The following ATP2C1 variants were observed in gnomAD, a reference collection of about 807,000 sequenced individuals.
ATP2C1 encodes the protein ATPase secretory pathway Ca2+ transporting 1, also known as calcium-transporting ATPase type 2C member 1.
Under a neutral mutation model 120.5 loss-of-function variants are expected in ATP2C1, and 31 were observed. That is an observed-to-expected ratio of 0.26 (90% CI 0.19 to 0.35). The LOEUF is 0.35. Ranked by LOEUF, ATP2C1 falls within the 10% of genes least tolerant of loss-of-function variation. The probability of loss-of-function intolerance (pLI) is 1.00; values close to 1 mark genes in which losing one functional copy is unlikely to be tolerated. For synonymous variants in ATP2C1, 351 were observed against 358.7 expected (o/e 0.98, Z 0.24); for missense variants, 731 against 1,107.5 (o/e 0.66, Z 4.83).
chr3:130,912,629 A>G (rs2058485499), intron 2 of ATP2C1, among the ~76,000 whole-genome samples: 1 of 141,048 alleles, frequency 7.1e-6, no homozygotes, highest in Non-Finnish European at 1.5e-5. Context: ...ATGTGGAGAA[A>G]TAGGAACACT....
At position 130,933,549 on chromosome 3, in the gene ATP2C1, C is replaced by T. The variant is rs145857702; in HGVS notation, c.235-1073C>T. On this transcript the variant is annotated intron_variant, in intron 4 of 27. Coordinates refer to ENST00000510168, the MANE Select transcript of ATP2C1 (RefSeq NM_001378687.1). ...ACAGATGCCAGCAACTGGATTCAAA[C>T]CTAGGTACTCTGACTCAGTCAGGTT... 9.2e-5 allele frequency among the ~76,000 whole-genome samples: 14 copies of T among 152,206 alleles called. No homozygotes were observed. In the East Asian group the frequency reaches 2.1e-3, roughly 23 times the overall value.
chr3:130,926,256 C>A (rs890748575), intron 2 of ATP2C1, among the ~76,000 whole-genome samples: 2 of 152,112 alleles, frequency 1.3e-5, no homozygotes, highest in Non-Finnish European at 2.9e-5. Flanking sequence ...ACAAGCTAGT[C>A]CTGCCTCCTA....
intron 2 of ATP2C1, among the ~76,000 whole-genome samples, chr3:130,905,423 AC>A (rs1208528915): frequency 1.3e-5 from 2 of 152,054 alleles, no homozygotes; most frequent in African/African-American, 2.4e-5. Flanking sequence ...ACTGTTCTCA[AC>A]CACAGTATAT....
At position 130,993,849 on chromosome 3, in the gene ATP2C1, G is replaced by T. The variant is rs1354410528; in HGVS notation, c.1891-83G>T. The stretch of plus-strand genomic sequence containing the variant: ...TAATCTTAATTATGTGAAAAAAATA[G>T]GGAGGATTTGTTTATCGCTTTGTAT... On this transcript the variant is annotated intron_variant, in intron 21 of 27. Coordinates refer to ENST00000510168, the MANE Select transcript of ATP2C1 (RefSeq NM_001378687.1). 5 of 1,376,492 alleles carry T rather than the reference G, an allele frequency of 3.6e-6. No individual in the cohort carries two copies. In the African/African-American group the frequency reaches 5.8e-5, roughly 16 times the overall value. 85.3% of individuals were successfully genotyped at this position (1,376,492 alleles called of 1,614,324 possible).
upstream of ATP2C1, chr3:130,893,928 G>A: frequency 1.0e-6 from 1 of 985,600 alleles, no homozygotes. Context: ...CTTCACTTCC[G>A]CCTTCCCAGC....
At chr3:130,972,545 C>T (rs1052296771) in intron 17 of ATP2C1, among the ~76,000 whole-genome samples, 2 of 149,904 alleles carry the variant, frequency 1.3e-5, no homozygotes, top group African/African-American at 4.9e-5. Context: ...CATATGTATA[C>T]ATGTGCCATG....
chr3:130,985,508 C>G (rs2061962195), intron 20 of ATP2C1, among the ~76,000 whole-genome samples: 1 of 151,922 alleles, frequency 6.6e-6, no homozygotes, highest in Non-Finnish European at 1.5e-5. Context: ...TGGTGGGCGC[C>G]TGTAATCCCA....
intron 1 of ATP2C1, among the ~76,000 whole-genome samples, chr3:130,870,264 G>A (rs2107769809): frequency 6.6e-6 from 1 of 152,292 alleles, no homozygotes; most frequent in Non-Finnish European, 1.5e-5. Context: ...GGAGAATAAT[G>A]TTTTCATGTC....
At chr3:130,917,139 T>C (rs1032958130) in intron 2 of ATP2C1, among the ~76,000 whole-genome samples, 2 of 152,210 alleles carry the variant, frequency 1.3e-5, no homozygotes, top group Non-Finnish European at 2.9e-5. Flanking sequence ...AAAATAGGCT[T>C]TGTATTAGAT....
chr3:131,003,544 C>A (rs116132176), downstream of ATP2C1, among the ~76,000 whole-genome samples: 1,123 of 152,256 alleles, frequency 7.4e-3, 11 homozygotes, highest in African/African-American at 0.026. Flanking sequence ...GTAAACAGTT[C>A]TGAAATGATC....
At chr3:130,936,151 C>A (rs1179883599) in intron 5 of ATP2C1, among the ~76,000 whole-genome samples, 1 of 151,896 alleles carries the variant, frequency 6.6e-6, no homozygotes, top group African/African-American at 2.4e-5. Context: ...GGATAGCATC[C>A]CAGTATTTAA....
At chr3:130,913,707 C>T (rs2058552696) in intron 2 of ATP2C1, among the ~76,000 whole-genome samples, 1 of 152,090 alleles carries the variant, frequency 6.6e-6, no homozygotes, top group African/African-American at 2.4e-5. Flanking sequence ...AGCCTGTATT[C>T]TTAGATCTTA....
At chr3:130,982,028 T>A (rs2061788270) in intron 20 of ATP2C1, among the ~76,000 whole-genome samples, 2 of 152,200 alleles carry the variant, frequency 1.3e-5, no homozygotes, top group African/African-American at 4.8e-5. Context: ...TAATTTTGAT[T>A]AGGTCTAGTT....
chr3:130,917,625 T>TAAAA (rs1321178720), intron 2 of ATP2C1, among the ~76,000 whole-genome samples: 2 of 152,216 alleles, frequency 1.3e-5, no homozygotes, highest in South Asian at 4.1e-4. Flanking sequence ...GGTGAAAACT[T>TAAAA]TTTTGTTTTA....
At chr3:130,964,626 G>A (rs1442525003) in intron 13 of ATP2C1, among the ~76,000 whole-genome samples, 1 of 151,852 alleles carries the variant, frequency 6.6e-6, no homozygotes, top group South Asian at 2.1e-4. Context: ...AATTATACGG[G>A]TTTATATTTA....
chr3:130,923,512 TGGC>T, intron 2 of ATP2C1, among the ~76,000 whole-genome samples: 1 of 148,174 alleles, frequency 6.7e-6, no homozygotes, highest in South Asian at 2.4e-4. Flanking sequence ...CCACCACACC[TGGC>T]CTCCTTTGTC....
In ATP2C1 at chr3:130,955,729, C is replaced by T; in HGVS notation, c.757-375C>T. On this transcript the variant is annotated intron_variant, in intron 10 of 27. Transcript: ENST00000510168. ...AGGGAGGATTAAAAGACCTGGGTTA[C>T]TAGCATGTTTGTGGATACCAAAAGG... is the stretch of plus-strand genomic sequence containing the variant. 1.3e-5 allele frequency: 3 copies of T among 227,144 alleles called. No homozygotes were observed. In the South Asian group the frequency reaches 1.8e-4, roughly 14 times the overall value. 14.1% of individuals were successfully genotyped at this position (227,144 alleles called of 1,614,324 possible). A position where few individuals can be genotyped will look rare whatever the true frequency, so the allele number is the denominator to read the frequency against.
At chr3:130,991,586 G>A in intron 20 of ATP2C1, among the ~76,000 whole-genome samples, 1 of 152,138 alleles carries the variant, frequency 6.6e-6, no homozygotes, top group East Asian at 1.9e-4. Context: ...GGTGGCAGCT[G>A]AAATGGGAAG....
chr3:130,918,770 T>C (rs1459829652), intron 2 of ATP2C1: 1 of 380,208 alleles, frequency 2.6e-6, no homozygotes. Flanking sequence ...GGCGGGCGGA[T>C]CATGAGGTCA....
Sources: allele counts gnomAD v4.1 joint callset (sites outside exome capture counted in the v4.1 genomes callset), GRCh38; gene constraint gnomAD v4.1.1; transcripts MANE v1.5; gene names NCBI Gene and HGNC (gene_info 2026-07-23, HGNC 2026-07-21).